Variants in ATXN7 observed in about 807,000 individuals in gnomAD.
ATXN7 encodes the protein ataxin 7, also known as ataxin-7.
ATXN7 carries 12 observed loss-of-function variants against 70.5 expected under a neutral mutation model. The observed-to-expected ratio is 0.17, with a 90% CI of 0.11 to 0.28. The LOEUF (loss-of-function observed/expected upper bound fraction) is 0.28. Ranked by LOEUF, ATXN7 falls within the 10% of genes least tolerant of loss-of-function variation. The probability of loss-of-function intolerance (pLI) is 1.00; values close to 1 mark genes in which losing one functional copy is unlikely to be tolerated. For synonymous variants in ATXN7, 498 were observed against 448.7 expected (o/e 1.11, Z -1.39); for missense variants, 1,256 against 1,131.7 (o/e 1.11, Z -1.58).
chr3:63,892,028 T>C (rs905066984), intron 1 of ATXN7, among the ~76,000 whole-genome samples: 1 of 152,162 alleles, frequency 6.6e-6, no homozygotes, highest in Admixed American at 6.5e-5. Flanking sequence ...CAAGTATTCT[T>C]TGTAGGGCTG....
At chr3:63,944,788 T>G (rs927242016) in intron 4 of ATXN7, among the ~76,000 whole-genome samples, 4 of 151,872 alleles carry the variant, frequency 2.6e-5, no homozygotes, top group Non-Finnish European at 4.4e-5. Context: ...TTGGTTTTTG[T>G]TTTTTGTTTG....
At chr3:63,939,872 G>T (rs79507498) in intron 4 of ATXN7, among the ~76,000 whole-genome samples, 5 of 152,166 alleles carry the variant, frequency 3.3e-5, no homozygotes, top group African/African-American at 9.6e-5. Context: ...TGTCACTGAT[G>T]TATCTGGTAG....
At chr3:63,876,075 C>T (rs554310818) in intron 1 of ATXN7, among the ~76,000 whole-genome samples, 44 of 152,256 alleles carry the variant, frequency 2.9e-4, no homozygotes, top group Non-Finnish European at 5.6e-4. Flanking sequence ...AGTCAAAAAA[C>T]TATTTTTTCC....
chr3:63,884,188 A>G (rs1240234589), intron 1 of ATXN7, among the ~76,000 whole-genome samples: 1 of 146,652 alleles, frequency 6.8e-6, no homozygotes, highest in Non-Finnish European at 1.5e-5. Context: ...TCCAGAAAGT[A>G]AGAAAATAAC....
intron 4 of ATXN7, among the ~76,000 whole-genome samples, chr3:63,946,801 C>A (rs989949644): frequency 7.9e-5 from 12 of 152,034 alleles, no homozygotes; most frequent in Non-Finnish European, 1.5e-4. Flanking sequence ...GAGTCCAACC[C>A]CCACTTTGAA....
chr3:63,868,544 A>G (rs940813272), intron 1 of ATXN7, among the ~76,000 whole-genome samples: 2 of 152,226 alleles, frequency 1.3e-5, no homozygotes, highest in African/African-American at 4.8e-5. Flanking sequence ...AACACTTAAA[A>G]CATTGTTTTT....
chr3:63,937,166 G>C (rs1437120170), intron 4 of ATXN7, among the ~76,000 whole-genome samples: 1 of 152,186 alleles, frequency 6.6e-6, no homozygotes, highest in African/African-American at 2.4e-5. Flanking sequence ...TTACTGATAA[G>C]CATGGACGTA....
intron 4 of ATXN7, among the ~76,000 whole-genome samples, chr3:63,943,506 G>T (rs530324360): frequency 5.7e-4 from 87 of 152,284 alleles, no homozygotes; most frequent in Non-Finnish European, 1.1e-3. Flanking sequence ...AAAATGGCTT[G>T]AATTTCCAAA....
chr3:63,896,156 G>A (rs1703440234), intron 1 of ATXN7, among the ~76,000 whole-genome samples: 1 of 151,848 alleles, frequency 6.6e-6, no homozygotes, highest in African/African-American at 2.4e-5. Flanking sequence ...ATAGGCTAGG[G>A]AGCTCCTGTA....
chr3:63,865,674 G>A (rs965435732), intron 1 of ATXN7, among the ~76,000 whole-genome samples: 4 of 151,796 alleles, frequency 2.6e-5, no homozygotes, highest in Admixed American at 6.6e-5. Context: ...GGAGGATCAC[G>A]AGGTCAAGAG....
Position 63,884,242 on chromosome 3 carries a change from TA to T in ATXN7, c.-110-14156del, listed in dbSNP as rs1559619627. ...ACACACACACACACACACACACACA[TA>T]CTCTCACACACACACACACTCATTC... On this transcript the variant is annotated intron_variant, in intron 1 of 12. Coordinates refer to ENST00000674280, the MANE Select transcript of ATXN7 (RefSeq NM_001377405.1). Among the ~76,000 whole-genome samples, 44 of 86,626 alleles carry T rather than the reference TA, an allele frequency of 5.1e-4. No homozygotes were observed. In the East Asian group the frequency reaches 0.013, roughly 26 times the overall value. 56.8% of individuals were successfully genotyped at this position (86,626 alleles called of 152,430 possible).
At chr3:63,937,939 A>G (rs1384786500) in intron 4 of ATXN7, among the ~76,000 whole-genome samples, 1 of 152,186 alleles carries the variant, frequency 6.6e-6, no homozygotes, top group Admixed American at 6.5e-5. Flanking sequence ...TACTTAGCAC[A>G]CTGTTTGGCC....
chr3:63,921,484 T>C lies in ATXN7; in HGVS notation c.394+8259T>C, dbSNP rs575273182. 2.6e-5 allele frequency among the ~76,000 whole-genome samples: 4 copies of C among 152,340 alleles called. No homozygotes were observed. The South Asian group carries it at 6.2e-4, about 24-fold the overall frequency. On this transcript the variant is annotated intron_variant, in intron 4 of 12. Coordinates refer to ENST00000674280, the MANE Select transcript of ATXN7 (RefSeq NM_001377405.1). ...ATTGTTTTGGAATAAAGGACAGTCCTTTAATTGTGAAAAAGCACTGTGGTC... is the reference window on the plus strand; with the variant it reads ...ATTGTTTTGGAATAAAGGACAGTCCCTTAATTGTGAAAAAGCACTGTGGTC...
intron 5 of ATXN7, among the ~76,000 whole-genome samples, chr3:63,967,487 A>G (rs2075245445): frequency 6.6e-6 from 1 of 152,236 alleles, no homozygotes; most frequent in Admixed American, 6.5e-5. Flanking sequence ...TAAGACCTTT[A>G]GGTCTACCGA....
intron 7 of ATXN7, 105 bp downstream of exon 7, chr3:63,982,550 C>A: frequency 9.5e-7 from 1 of 1,047,880 alleles, no homozygotes; most frequent in South Asian, 1.7e-5. Flanking sequence ...TAAAACTGGT[C>A]AACTTCAGCT....
chr3:63,998,515 C>A, intron 12 of ATXN7: 2 of 985,258 alleles, frequency 2.0e-6, no homozygotes, highest in Non-Finnish European at 2.4e-6. Flanking sequence ...CTTACTAGAA[C>A]AACACAGACA....
In ATXN7 at chr3:64,001,495, G is replaced by C. The variant is rs1362036631; in HGVS notation, c.*2028G>C. The C allele has an allele frequency of 6.6e-6, 1 of 152,156 alleles. No individual in the cohort carries two copies. The highest frequency in any genetic ancestry group is 1.9e-4 in the East Asian group (1 of 5,188). The allele number at this position is 152,156 out of a possible 1,614,324, so 9.4% of individuals were successfully genotyped here. A position where few individuals can be genotyped will look rare whatever the true frequency, so the allele number is the denominator to read the frequency against. ...ATTTTCAGAGCCAAGAGGACTTGAT[G>C]GTTATAAATAAAGTTGCCTTTAGCA... On this transcript the variant is annotated 3_prime_UTR_variant, in exon 13 of 13. Coordinates refer to ENST00000674280, the MANE Select transcript of ATXN7 (RefSeq NM_001377405.1).
Position 64,001,683 on chromosome 3 carries a change from C to T in ATXN7, c.*2216C>T, listed in dbSNP as rs961676729. On this transcript the variant is annotated 3_prime_UTR_variant, in exon 13 of 13. Coordinates refer to ENST00000674280, the MANE Select transcript of ATXN7 (RefSeq NM_001377405.1). ...TTTCATTATTTCTCCCGGTAATACA[C>T]AGAGCATCGGGATTAGGAAATTAGC... 2.0e-5 allele frequency: 3 copies of T among 152,158 alleles called. No individual in the cohort carries two copies. Among genetic ancestry groups the T allele is most frequent in the African/African-American group, 7.2e-5 (3 of 41,434 alleles). The allele number at this position is 152,158 out of a possible 1,614,324, so 9.4% of individuals were successfully genotyped here.
chr3:63,929,347 A>G (rs1479723444), intron 4 of ATXN7, among the ~76,000 whole-genome samples: 2 of 143,600 alleles, frequency 1.4e-5, no homozygotes, highest in African/African-American at 2.6e-5. Context: ...ATCTCGGCTC[A>G]CTGCAACCTC....
Sources: allele counts gnomAD v4.1 joint callset (sites outside exome capture counted in the v4.1 genomes callset), GRCh38; gene constraint gnomAD v4.1.1; transcripts MANE v1.5; gene names NCBI Gene and HGNC (gene_info 2026-07-23, HGNC 2026-07-21).